The following KIDINS220 variants were observed in gnomAD, a reference collection of about 807,000 sequenced individuals.
KIDINS220 encodes the protein kinase D-interacting substrate of 220 kDa.
In KIDINS220, 63 loss-of-function variants were observed where a neutral mutation model predicts 157.6. The ratio of observed to expected loss-of-function variants is 0.40; its 90% confidence interval spans 0.33 to 0.49. KIDINS220 has a LOEUF of 0.49. KIDINS220 is among the 20% of genes least tolerant of loss of function. KIDINS220 has a pLI of 0.66. For synonymous variants in KIDINS220, 732 were observed against 783.6 expected, an observed-to-expected ratio of 0.93 and a Z score of 1.10; for missense variants, 1,772 against 2,171.2, an observed-to-expected ratio of 0.82 and a Z score of 3.65.
chr2:8,812,160 C>T (rs932464126), intron 6 of KIDINS220, among the ~76,000 whole-genome samples: 1 of 152,042 alleles, frequency 6.6e-6, no homozygotes, highest in African/African-American at 2.4e-5. Context: ...TCTGTTATCC[C>T]GGTCAGTTTT....
At position 8,812,491 on chromosome 2, in the gene KIDINS220, G is replaced by A. The variant is rs2148373501; in HGVS notation, c.408C>T (p.Tyr136=). Residue 136 remains tyrosine (Y), a splice_region_variant and synonymous_variant, in exon 6 of 30, where the codon TAC becomes TAT. Coordinates refer to ENST00000256707, the MANE Select transcript of KIDINS220 (RefSeq NM_020738.4). The part of the protein sequence containing the change: ...HGANPSVTGL[Y]SVYPIIWAAG... The stretch of plus-strand genomic sequence containing the variant: ...CTGCCCAAATGATTGGGTAAACACT[G>A]TACTGCTAGGATAGATTGGTTGGTA... 6.4e-7 allele frequency: 1 copy of A among 1,571,134 alleles called. No individual in the cohort carries two copies. The highest frequency in any genetic ancestry group is 1.2e-5 in the South Asian group (1 of 84,702).
chr2:8,778,942 G>A lies in KIDINS220; in HGVS notation c.2568C>T (p.Leu856=), dbSNP rs61742927. 1,764 of 1,614,154 alleles carry A rather than the reference G, an allele frequency of 1.1e-3. 16 individuals carry two copies. The African/African-American group carries it at 0.02, about 18-fold the overall frequency. ...SRGLSNARKF[L]VTSATNGDVP... is the part of the protein sequence containing the mutation. ...CGTCTCCATTTGTTGCTGAAGTTAC[G>A]AGAAATTTTCTTGCATTGCTTAGTC... Residue 856 remains leucine, a synonymous_variant, in exon 19 of 30, where the codon CTC becomes CTT. Transcript: ENST00000256707.
chr2:8,783,196 TC>T (rs1671933974), intron 17 of KIDINS220, among the ~76,000 whole-genome samples: 1 of 38,518 alleles, frequency 2.6e-5, no homozygotes, highest in Non-Finnish European at 8.4e-5. Context: ...AAACTCCGTC[TC>T]AAAAAAAAAA....
chr2:8,806,939 A>AT, intron 6 of KIDINS220, among the ~76,000 whole-genome samples: 1 of 152,108 alleles, frequency 6.6e-6, no homozygotes, highest in Non-Finnish European at 1.5e-5. Context: ...ATAGCCCCAA[A>AT]TTTTCAACAA....
chr2:8,757,476 C>G, intron 22 of KIDINS220: 1 of 1,375,968 alleles, frequency 7.3e-7, no homozygotes, highest in Non-Finnish European at 9.4e-7. Context: ...ATATGTGAGG[C>G]CGTCTTCATT....
At chr2:8,815,993 G>A (rs1332147607) in intron 4 of KIDINS220, among the ~76,000 whole-genome samples, 4 of 151,952 alleles carry the variant, frequency 2.6e-5, no homozygotes, top group Non-Finnish European at 5.9e-5. Flanking sequence ...AGTTACTTGG[G>A]TAGTTACTAC....
intron 22 of KIDINS220, among the ~76,000 whole-genome samples, chr2:8,753,360 T>G (rs952182273): frequency 1.3e-5 from 2 of 152,216 alleles, no homozygotes; most frequent in African/African-American, 2.4e-5. Flanking sequence ...AAAGTATCAA[T>G]GCAGAGCAAG....
chr2:8,748,134 C>T lies in KIDINS220; in HGVS notation c.3415-134G>A, dbSNP rs186518378. The stretch of plus-strand genomic sequence containing the variant: ...ATGACAAAACAAAAGAAAAAAAAGC[C>T]TCACTCATATTCCATAAGATGCTAA... On this transcript the variant is annotated intron_variant, in intron 24 of 29. Transcript: ENST00000256707. 3 of 447,394 alleles carry T rather than the reference C, an allele frequency of 6.7e-6. No homozygotes were observed. The East Asian group carries it at 1.1e-4, about 16-fold the overall frequency. 27.7% of individuals were successfully genotyped at this position (447,394 alleles called of 1,614,324 possible). A position where few individuals can be genotyped will look rare whatever the true frequency, so the allele number is the denominator to read the frequency against.
At chr2:8,733,160 A>G (rs1664387241) in intron 29 of KIDINS220, among the ~76,000 whole-genome samples, 1 of 152,190 alleles carries the variant, frequency 6.6e-6, no homozygotes, top group Admixed American at 6.5e-5. Flanking sequence ...TGACCACCCT[A>G]GCTCAAGTGG....
chr2:8,808,770 C>A (rs981683676), intron 6 of KIDINS220, among the ~76,000 whole-genome samples: 1 of 152,232 alleles, frequency 6.6e-6, no homozygotes, highest in Non-Finnish European at 1.5e-5. Flanking sequence ...ATTCCCTCTT[C>A]CTAATAGGTC....
Position 8,747,936 on chromosome 2 carries a change from G to A in KIDINS220, c.3479C>T (p.Ser1160Leu). ...CAAACTCGTTTTTACTGATGGACGT[G>A]AGATGAGATGTTGGGAGCCGCCAGG... ...YYPGGSQHLI[S>L]RPSVKTSLPR... is the part of the protein sequence containing the mutation. Residue 1160 changes from serine (S) to leucine (L), a missense_variant, in exon 25 of 30, where the codon TCA becomes TTA. Physicochemically the swap from Ser to Leu is moderately radical, Grantham distance 145. Transcript: ENST00000256707. 2 of 1,606,886 alleles carry A rather than the reference G, an allele frequency of 1.2e-6. No individual in the cohort carries two copies. The highest frequency in any genetic ancestry group is 2.3e-5 in the East Asian group (1 of 44,270).
chr2:8,757,588 G>T (rs1006616130), intron 22 of KIDINS220: 11 of 1,558,060 alleles, frequency 7.1e-6, no homozygotes, highest in African/African-American at 4.1e-5. Flanking sequence ...CTGAAGTTTT[G>T]AATATTTGCC....
downstream of KIDINS220, among the ~76,000 whole-genome samples, chr2:8,725,879 A>G (rs1663252687): frequency 6.6e-6 from 1 of 152,186 alleles, no homozygotes; most frequent in Non-Finnish European, 1.5e-5. Context: ...CAGAAAAACG[A>G]AGAAAGGGTT....
At chr2:8,753,801 A>T (rs564966305) in intron 22 of KIDINS220, among the ~76,000 whole-genome samples, 1 of 152,236 alleles carries the variant, frequency 6.6e-6, no homozygotes, top group South Asian at 2.1e-4. Context: ...AAGTCATCTA[A>T]GGGAAAAACC....
intron 22 of KIDINS220, chr2:8,757,410 A>C (rs73912898): frequency 0.022 from 25,790 of 1,192,892 alleles, 571 homozygotes; most frequent in African/African-American, 0.11. Context: ...AAATGCCAAC[A>C]GTCTTACAGC....
In KIDINS220 at chr2:8,733,545, G is replaced by A; in HGVS notation, c.3952C>T (p.Leu1318Phe). ...ASHNELPHTE[L>F]SSQTPYTLNF... is the part of the protein sequence containing the mutation. ...AGTGTGTAGGGCGTCTGGCTGGAGA[G>A]CTCGGTGTGAGGCAGCTCGTTGTGG... Residue 1318 changes from leucine to phenylalanine, a missense_variant, in exon 29 of 30, where the codon CTC becomes TTC. Physicochemically the swap from Leu to Phe is conservative, Grantham distance 22. Transcript: ENST00000256707. The A allele has an allele frequency of 6.2e-7, 1 of 1,614,160 alleles. No homozygotes were observed. The highest frequency in any genetic ancestry group is 8.5e-7 in the Non-Finnish European group (1 of 1,180,034).
At chr2:8,803,249 T>C in intron 7 of KIDINS220, 122 bp from the exon 8 acceptor site, 1 of 828,344 alleles carries the variant, frequency 1.2e-6, no homozygotes, top group South Asian at 1.9e-5. Context: ...GGCCTATTAT[T>C]GTCATTTCCA....
chr2:8,743,383 G>A (rs777820142), intron 26 of KIDINS220, among the ~76,000 whole-genome samples: 1 of 152,084 alleles, frequency 6.6e-6, no homozygotes, highest in Non-Finnish European at 1.5e-5. Context: ...AAGGCTCCAC[G>A]GATTCTGGCC....
At position 8,729,863 on chromosome 2, in the gene KIDINS220, C is replaced by G; in HGVS notation, c.*857G>C. 1 of 984,848 alleles carries G rather than the reference C, an allele frequency of 1.0e-6. No homozygotes were observed. Among genetic ancestry groups the G allele is most frequent in the Non-Finnish European group, 1.2e-6 (1 of 829,478 alleles). 61.0% of individuals were successfully genotyped at this position (984,848 alleles called of 1,614,324 possible). A position where few individuals can be genotyped will look rare whatever the true frequency, so the allele number is the denominator to read the frequency against. On this transcript the variant is annotated 3_prime_UTR_variant, in exon 30 of 30. Transcript: ENST00000256707. ...AGTACCTATTATTACCCATGTCTCC[C>G]TGATTTTCCAGAAAAAGAATTCATG...
Sources: allele counts gnomAD v4.1 joint callset (sites outside exome capture counted in the v4.1 genomes callset), GRCh38; gene constraint gnomAD v4.1.1; transcripts MANE v1.5; gene names NCBI Gene and HGNC (gene_info 2026-07-23, HGNC 2026-07-21).